Variants in SEZ6L observed in about 807,000 individuals in gnomAD.
SEZ6L encodes seizure 6-like protein.
In SEZ6L, 37 loss-of-function variants were observed where a neutral mutation model predicts 106.2. The ratio of observed to expected loss-of-function variants is 0.35; its 90% CI spans 0.27 to 0.46. SEZ6L has a LOEUF of 0.46. SEZ6L is among the 20% of genes least tolerant of loss of function. The pLI is 1.00. For missense variants in SEZ6L, 1,172 were observed against 1,332.8 expected, an observed-to-expected ratio of 0.88 and a Z score of 1.88; for synonymous variants, 541 against 570.4, an observed-to-expected ratio of 0.95 and a Z score of 0.73.
intron 5 of SEZ6L, among the ~76,000 whole-genome samples, chr22:26,299,381 C>T (rs1198893415): frequency 1.3e-5 from 2 of 152,206 alleles, no homozygotes; most frequent in Non-Finnish European, 2.9e-5. Flanking sequence ...AGTATGTTCA[C>T]GCTATTGTGC....
intron 1 of SEZ6L, among the ~76,000 whole-genome samples, chr22:26,282,119 A>C (rs1271925194): frequency 1.3e-5 from 2 of 152,366 alleles, no homozygotes; most frequent in East Asian, 3.9e-4. Flanking sequence ...TCCCAGAAGC[A>C]GACTCATGAG....
intron 1 of SEZ6L, among the ~76,000 whole-genome samples, chr22:26,172,085 GC>G (rs1414171179): frequency 6.6e-6 from 1 of 152,082 alleles, no homozygotes; most frequent in Non-Finnish European, 1.5e-5. Flanking sequence ...TTTTTGAAGA[GC>G]CTCCTTATTG....
At chr22:26,362,848 C>G (rs922931641) in intron 12 of SEZ6L, among the ~76,000 whole-genome samples, 45 of 152,144 alleles carry the variant, frequency 3.0e-4, no homozygotes, top group Admixed American at 2.9e-3. Context: ...AAAGGAAAAC[C>G]CTTCAACCTC....
chr22:26,276,737 C>G (rs2080557361), intron 1 of SEZ6L, among the ~76,000 whole-genome samples: 1 of 152,146 alleles, frequency 6.6e-6, no homozygotes, highest in Non-Finnish European at 1.5e-5. Context: ...CAAGAATTCA[C>G]AAAGCCGTAC....
At chr22:26,220,185 C>T (rs1466750175) in intron 1 of SEZ6L, among the ~76,000 whole-genome samples, 3 of 152,314 alleles carry the variant, frequency 2.0e-5, no homozygotes, top group East Asian at 1.9e-4. Context: ...ACAGATGCCA[C>T]AGATGCCATA....
chr22:26,300,310 C>T (rs571513783), intron 5 of SEZ6L, among the ~76,000 whole-genome samples: 5 of 152,288 alleles, frequency 3.3e-5, no homozygotes, highest in African/African-American at 1.2e-4. Flanking sequence ...CCCCCTCTCC[C>T]CACCCCACAA....
chr22:26,348,969 G>C (rs2083183340), intron 11 of SEZ6L, among the ~76,000 whole-genome samples: 1 of 150,088 alleles, frequency 6.7e-6, no homozygotes, highest in Non-Finnish European at 1.5e-5. Context: ...GAAGGGAGAG[G>C]AGAGGAGAGG....
At chr22:26,257,769 C>T (rs1309932785) in intron 1 of SEZ6L, among the ~76,000 whole-genome samples, 3 of 152,200 alleles carry the variant, frequency 2.0e-5, no homozygotes, top group South Asian at 2.1e-4. Flanking sequence ...AGGTGTCTGC[C>T]GCTCACCGAT....
chr22:26,236,975 C>T (rs2078975492), intron 1 of SEZ6L, among the ~76,000 whole-genome samples: 1 of 152,164 alleles, frequency 6.6e-6, no homozygotes, highest in Non-Finnish European at 1.5e-5. Context: ...TCATTCTCTG[C>T]CTCGCTCTCA....
intron 9 of SEZ6L, among the ~76,000 whole-genome samples, chr22:26,323,525 T>A (rs8140493): frequency 6.6e-6 from 1 of 152,038 alleles, no homozygotes; most frequent in Non-Finnish European, 1.5e-5. Flanking sequence ...CCCAGCTACT[T>A]GAGAGGCTGA....
intron 9 of SEZ6L, among the ~76,000 whole-genome samples, chr22:26,321,505 G>T (rs2082153277): frequency 6.6e-6 from 1 of 152,210 alleles, no homozygotes; most frequent in South Asian, 2.1e-4. Flanking sequence ...CTGGTCACCA[G>T]CCCGAGGCTC....
chr22:26,304,102 C>CTTACA (rs1326831015), intron 5 of SEZ6L, among the ~76,000 whole-genome samples: 1 of 152,060 alleles, frequency 6.6e-6, no homozygotes, highest in African/African-American at 2.4e-5. Flanking sequence ...GCCTCTAATC[C>CTTACA]TTACATTTTG....
chr22:26,262,704 C>T (rs1379990104), intron 1 of SEZ6L, among the ~76,000 whole-genome samples: 1 of 152,120 alleles, frequency 6.6e-6, no homozygotes, highest in Non-Finnish European at 1.5e-5. Flanking sequence ...GTAAGAAAGA[C>T]TAGCCAGACG....
At chr22:26,291,611 T>C (rs1266089993) in intron 1 of SEZ6L, among the ~76,000 whole-genome samples, 1 of 152,008 alleles carries the variant, frequency 6.6e-6, no homozygotes, top group East Asian at 1.9e-4. Context: ...AAAATTTAAA[T>C]TTAAAAAAAC....
At chr22:26,278,265 G>A (rs2080619492) in intron 1 of SEZ6L, among the ~76,000 whole-genome samples, 1 of 152,164 alleles carries the variant, frequency 6.6e-6, no homozygotes, top group Non-Finnish European at 1.5e-5. Flanking sequence ...GGAATAATAG[G>A]ATATCTAAAA....
At chr22:26,319,555 A>G (rs1335597722) in intron 9 of SEZ6L, among the ~76,000 whole-genome samples, 1 of 152,108 alleles carries the variant, frequency 6.6e-6, no homozygotes, top group African/African-American at 2.4e-5. Flanking sequence ...CGCATACCTC[A>G]GGGCCTTTGC....
chr22:26,373,355 T>C lies in SEZ6L; in HGVS notation c.2795-96T>C, dbSNP rs1405377910. On this transcript the variant is annotated intron_variant, in intron 13 of 16. Transcript: ENST00000248933. ...ACATACCACTAACTTCACCAAAGCA[T>C]GGCATGGGCTTTTGCATCAAATTTT... 1.1e-4 allele frequency: 118 copies of C among 1,026,514 alleles called. No individual in the cohort carries two copies. In the East Asian group the frequency reaches 2.8e-3, roughly 24 times the overall value. The allele number at this position is 1,026,514 out of a possible 1,614,324, so 63.6% of individuals were successfully genotyped here. A position where few individuals can be genotyped will look rare whatever the true frequency, so the allele number is the denominator to read the frequency against.
chr22:26,324,064 C>CCACACA (rs71311560), intron 9 of SEZ6L, among the ~76,000 whole-genome samples: 3,963 of 140,200 alleles, frequency 0.028, 86 homozygotes, highest in East Asian at 0.093. Context: ...CAGTTTTTAA[C>CCACACA]CACACACACA....
intron 1 of SEZ6L, among the ~76,000 whole-genome samples, chr22:26,280,650 T>C (rs2080733073): frequency 6.6e-6 from 1 of 152,186 alleles, no homozygotes; most frequent in Non-Finnish European, 1.5e-5. Flanking sequence ...CCCACCCTTA[T>C]GAGCAAAGAG....
Sources: allele counts gnomAD v4.1 joint callset (sites outside exome capture counted in the v4.1 genomes callset), GRCh38; gene constraint gnomAD v4.1.1; transcripts MANE v1.5; gene names NCBI Gene and HGNC (gene_info 2026-07-23, HGNC 2026-07-21).